Variants in SLC8A1 observed in about 807,000 individuals in gnomAD.
SLC8A1 encodes sodium/calcium exchanger 1.
A neutral mutation model predicts 68.3 loss-of-function variants in SLC8A1; 18 were observed. That is an observed-to-expected ratio of 0.26 (90% CI 0.18 to 0.39). The LOEUF (loss-of-function observed/expected upper bound fraction) is 0.39. Among genes scored for constraint, SLC8A1 ranks in the 10% least tolerant of loss-of-function variants. SLC8A1 has a pLI of 1.00. For synonymous variants in SLC8A1, 475 were observed against 415.5 expected, an observed-to-expected ratio of 1.14 and a Z score of -1.74; for missense variants, 985 against 1,156.7, an observed-to-expected ratio of 0.85 and a Z score of 2.15.
intron 1 of SLC8A1, among the ~76,000 whole-genome samples, chr2:40,461,195 G>GA (rs1339120984): frequency 6.6e-6 from 1 of 152,078 alleles, no homozygotes. Flanking sequence ...ACTATTATAG[G>GA]AAAAAAATCA....
chr2:40,465,757 A>T lies in SLC8A1; in HGVS notation c.-24-35453T>A, dbSNP rs188409634. ...TTATACAAGGAGTACTATGGTCTGAATGTGTCCCCTAAAATTTATTTTTAA... is the reference window on the plus strand; with the variant it reads ...TTATACAAGGAGTACTATGGTCTGATTGTGTCCCCTAAAATTTATTTTTAA... On this transcript the variant is annotated intron_variant, in intron 1 of 7. Transcript: ENST00000402441. Among the ~76,000 whole-genome samples, 75 of 152,260 alleles carry T rather than the reference A, an allele frequency of 4.9e-4. No individual in the cohort carries two copies. In the Middle Eastern group the frequency reaches 0.01, roughly 21 times the overall value.
chr2:40,224,579 A>C (rs2058741337), intron 2 of SLC8A1, among the ~76,000 whole-genome samples: 1 of 152,224 alleles, frequency 6.6e-6, no homozygotes, highest in South Asian at 2.1e-4. Context: ...ACGGAAATGA[A>C]AAAAATACAT....
intron 2 of SLC8A1, among the ~76,000 whole-genome samples, chr2:40,293,239 A>T (rs1199480115): frequency 6.6e-6 from 1 of 152,282 alleles, no homozygotes; most frequent in East Asian, 1.9e-4. Flanking sequence ...GGTTCATCTA[A>T]AAGTCTCACA....
chr2:40,131,025 T>C (rs978525614), intron 7 of SLC8A1, among the ~76,000 whole-genome samples: 3 of 152,200 alleles, frequency 2.0e-5, no homozygotes, highest in South Asian at 4.1e-4. Context: ...TGCATTGAAA[T>C]AGAAAGTAAG....
At chr2:40,483,950 G>A (rs1210152762) in intron 1 of SLC8A1, among the ~76,000 whole-genome samples, 1 of 152,144 alleles carries the variant, frequency 6.6e-6, no homozygotes, top group Non-Finnish European at 1.5e-5. Flanking sequence ...AGTTTAGAAA[G>A]CATTTATTGT....
intron 2 of SLC8A1, 38 bp from the exon 3 acceptor site, chr2:40,178,531 A>C (rs762269158): frequency 6.6e-7 from 1 of 1,525,968 alleles, no homozygotes; most frequent in Non-Finnish European, 9.1e-7. Flanking sequence ...CAAGGGGAAG[A>C]GGAAAGAGAA....
intron 2 of SLC8A1, among the ~76,000 whole-genome samples, chr2:40,249,697 G>A (rs1447797685): frequency 1.3e-5 from 2 of 152,178 alleles, no homozygotes; most frequent in East Asian, 1.9e-4. Context: ...TAAGTGCAAT[G>A]TATTTCTCAT....
intron 2 of SLC8A1, among the ~76,000 whole-genome samples, chr2:40,212,565 G>A (rs2056803779): frequency 1.3e-5 from 2 of 152,080 alleles, no homozygotes; most frequent in Admixed American, 1.3e-4. Context: ...TTACAGATGT[G>A]AGCCACCATG....
intron 2 of SLC8A1, among the ~76,000 whole-genome samples, chr2:40,294,551 G>C (rs895475867): frequency 6.6e-6 from 1 of 151,970 alleles, no homozygotes; most frequent in African/African-American, 2.4e-5. Flanking sequence ...TATATATATG[G>C]GGAGAGAGAG....
chr2:40,465,634 T>C (rs892489111), intron 1 of SLC8A1, among the ~76,000 whole-genome samples: 1 of 152,202 alleles, frequency 6.6e-6, no homozygotes, highest in African/African-American at 2.4e-5. Context: ...TTCCCTTGTA[T>C]ATTATAGTTA....
At chr2:40,143,719 C>T (rs1173944814) in intron 6 of SLC8A1, among the ~76,000 whole-genome samples, 1 of 152,150 alleles carries the variant, frequency 6.6e-6, no homozygotes, top group Non-Finnish European at 1.5e-5. Context: ...AGAGCAAGAG[C>T]ATCATCAGCA....
chr2:40,454,069 G>C (rs564633954), upstream of SLC8A1, among the ~76,000 whole-genome samples: 1 of 152,166 alleles, frequency 6.6e-6, no homozygotes, highest in Non-Finnish European at 1.5e-5. Flanking sequence ...GAGACAGAAG[G>C]TCACTGTCTC....
chr2:40,222,471 G>T (rs1354680197), intron 2 of SLC8A1, among the ~76,000 whole-genome samples: 1 of 152,160 alleles, frequency 6.6e-6, no homozygotes, highest in African/African-American at 2.4e-5. Flanking sequence ...CATGGGCAAA[G>T]ACTTCATGAC....
intron 2 of SLC8A1, among the ~76,000 whole-genome samples, chr2:40,358,284 A>G (rs942176875): frequency 8.6e-5 from 13 of 151,918 alleles, no homozygotes; most frequent in Non-Finnish European, 1.8e-4. Context: ...GACAAAAAAA[A>G]AAAAGACCCA....
intron 2 of SLC8A1, among the ~76,000 whole-genome samples, chr2:40,182,120 C>A (rs929107071): frequency 6.9e-6 from 1 of 145,792 alleles, no homozygotes; most frequent in Non-Finnish European, 1.5e-5. Flanking sequence ...TTTGGCTGTT[C>A]TGTTCTGTTT....
intron 2 of SLC8A1, among the ~76,000 whole-genome samples, chr2:40,218,127 G>A (rs545575549): frequency 2.6e-5 from 4 of 152,146 alleles, no homozygotes; most frequent in African/African-American, 9.6e-5. Context: ...TGTAAGACTG[G>A]CATTGTTATT....
At chr2:40,347,734 T>G (rs1669793838) in intron 2 of SLC8A1, among the ~76,000 whole-genome samples, 1 of 152,236 alleles carries the variant, frequency 6.6e-6, no homozygotes, top group African/African-American at 2.4e-5. Context: ...TAATTTAGTT[T>G]ATGACTCTTG....
At chr2:40,238,643 C>T (rs1488161747) in intron 2 of SLC8A1, among the ~76,000 whole-genome samples, 1 of 152,168 alleles carries the variant, frequency 6.6e-6, no homozygotes, top group Non-Finnish European at 1.5e-5. Flanking sequence ...TCTTCTGTTT[C>T]TTACTGGCAA....
intron 2 of SLC8A1, among the ~76,000 whole-genome samples, chr2:40,255,624 G>A (rs938474969): frequency 3.9e-5 from 6 of 152,042 alleles, no homozygotes; most frequent in African/African-American, 1.5e-4. Context: ...TATAGTGAAG[G>A]CCTCCAGCTT....
Sources: allele counts gnomAD v4.1 joint callset (sites outside exome capture counted in the v4.1 genomes callset), GRCh38; gene constraint gnomAD v4.1.1; transcripts MANE v1.5; gene names NCBI Gene and HGNC (gene_info 2026-07-23, HGNC 2026-07-21).